PRKCE: variants seen among roughly 807,000 people sequenced by gnomAD.
The protein encoded by PRKCE is protein kinase C epsilon type.
PRKCE carries 16 observed loss-of-function variants against 85.4 expected under a neutral mutation model. The observed-to-expected ratio is 0.19, with a 90% CI of 0.13 to 0.28. PRKCE has a LOEUF of 0.28. Among genes scored for constraint, PRKCE ranks in the 10% least tolerant of loss-of-function variants. The pLI is 1.00. For missense variants in PRKCE, 573 were observed against 975.2 expected, an observed-to-expected ratio of 0.59 and a Z score of 5.49; for synonymous variants, 388 against 371.5, an observed-to-expected ratio of 1.04 and a Z score of -0.51.
At chr2:45,690,566 C>G (rs1218271398) in intron 1 of PRKCE, among the ~76,000 whole-genome samples, 2 of 152,180 alleles carry the variant, frequency 1.3e-5, no homozygotes, top group Admixed American at 6.5e-5. Flanking sequence ...AGATTGGAGA[C>G]AAAAACTGCA....
intron 1 of PRKCE, among the ~76,000 whole-genome samples, chr2:45,823,780 A>C (rs988367173): frequency 6.6e-6 from 1 of 152,222 alleles, no homozygotes; most frequent in African/African-American, 2.4e-5. Flanking sequence ...TCCACCTCTG[A>C]GGGCATGTCC....
chr2:45,926,998 C>T (rs374187931), intron 2 of PRKCE, among the ~76,000 whole-genome samples: 1 of 146,944 alleles, frequency 6.8e-6, no homozygotes, highest in Non-Finnish European at 1.5e-5. Context: ...GGATGGTGAG[C>T]ACTATAGAAT....
chr2:45,816,751 C>G (rs533419832), intron 1 of PRKCE, among the ~76,000 whole-genome samples: 3 of 152,220 alleles, frequency 2.0e-5, no homozygotes, highest in Non-Finnish European at 2.9e-5. Flanking sequence ...TCAGATGGCC[C>G]CTTCCCAGCC....
chr2:45,700,100 C>T (rs982594220), intron 1 of PRKCE, among the ~76,000 whole-genome samples: 9 of 151,698 alleles, frequency 5.9e-5, no homozygotes, highest in African/African-American at 2.2e-4. Context: ...AACCAGGCCG[C>T]CTGGGGTTGA....
At chr2:45,741,551 G>C (rs73926044) in intron 1 of PRKCE, among the ~76,000 whole-genome samples, 8,834 of 152,254 alleles carry the variant, frequency 0.058, 851 homozygotes, top group African/African-American at 0.2. Flanking sequence ...TGTTCTCCAC[G>C]TCTGACACGG....
At chr2:45,903,647 C>T (rs1696734004) in intron 2 of PRKCE, among the ~76,000 whole-genome samples, 4 of 152,192 alleles carry the variant, frequency 2.6e-5, no homozygotes, top group Admixed American at 1.3e-4. Flanking sequence ...GTATTTTTAT[C>T]TCCTGTCTGG....
rs1204224675 is a variant in PRKCE at position 45,810,188 on chromosome 2, C to G, written c.349-32812C>G. On this transcript the variant is annotated intron_variant, in intron 1 of 14. Coordinates refer to ENST00000306156, the MANE Select transcript of PRKCE (RefSeq NM_005400.3). Reference sequence around the variant, plus strand: ...CCTGAGTAGCTGGGATTACAGGTGCCTACCACCATGCCCGGCTAATTTTTG... The same window carrying G: ...CCTGAGTAGCTGGGATTACAGGTGCGTACCACCATGCCCGGCTAATTTTTG... Among the ~76,000 whole-genome samples, 3 of 150,974 alleles carry G rather than the reference C, an allele frequency of 2.0e-5. No individual in the cohort carries two copies. In the South Asian group the frequency reaches 6.3e-4, roughly 32 times the overall value.
At chr2:45,829,269 A>C (rs186961029) in intron 1 of PRKCE, among the ~76,000 whole-genome samples, 5 of 152,316 alleles carry the variant, frequency 3.3e-5, no homozygotes, top group Non-Finnish European at 4.4e-5. Context: ...ATTTTGTGTC[A>C]ATTTACATTT....
At position 46,004,840 on chromosome 2, in the gene PRKCE, A is replaced by G. The variant is rs1484745628; in HGVS notation, c.1063+202A>G. On this transcript the variant is annotated intron_variant, in intron 8 of 14. Coordinates refer to ENST00000306156, the MANE Select transcript of PRKCE (RefSeq NM_005400.3). The surrounding 1 kb of genome is among the most constrained non-coding windows in gnomAD (Gnocchi z 4.1). ...CTTGAGGGCTGGGCACTCCATGGCC[A>G]TATCTGCCTTAATTTCCTTCCAGGC... Among the ~76,000 whole-genome samples the G allele has an allele frequency of 6.6e-6, 1 of 152,066 alleles. No individual in the cohort carries two copies. Among genetic ancestry groups the G allele is most frequent in the Non-Finnish European group, 1.5e-5 (1 of 67,994 alleles).
Position 46,103,026 on chromosome 2 carries a change from G to A in PRKCE, c.1592+16664G>A, listed in dbSNP as rs1379456679. 3.9e-5 allele frequency among the ~76,000 whole-genome samples: 6 copies of A among 152,298 alleles called. No homozygotes were observed. The East Asian group carries it at 1.2e-3, about 29-fold the overall frequency. On this transcript the variant is annotated intron_variant, in intron 11 of 14. Transcript: ENST00000306156. The stretch of plus-strand genomic sequence containing the variant: ...ATTTCACCTCTGTGAGGGCAGAGTA[G>A]CAATGTAATTTATTTAGAATTCTTC...
chr2:45,843,084 A>T, intron 2 of PRKCE, 21 bp downstream of exon 2: 1 of 1,609,844 alleles, frequency 6.2e-7, no homozygotes, highest in Non-Finnish European at 8.5e-7. Flanking sequence ...GTGACTTCTC[A>T]TCCCTGTTTT....
intron 2 of PRKCE, among the ~76,000 whole-genome samples, chr2:45,857,166 G>T (rs1692745802): frequency 6.6e-6 from 1 of 152,206 alleles, no homozygotes; most frequent in Non-Finnish European, 1.5e-5. Context: ...AGGACCAACT[G>T]CTAGGTTTGT....
chr2:45,880,450 C>A (rs1694797325), intron 2 of PRKCE, among the ~76,000 whole-genome samples: 1 of 152,220 alleles, frequency 6.6e-6, no homozygotes, highest in Admixed American at 6.5e-5. Context: ...GGAGGACTCA[C>A]TTTGAATGTC....
Position 46,001,364 on chromosome 2 carries a change from C to G in PRKCE, c.824-40C>G. ...AAAGAAAAGAAGCAACATCTTAGGC[C>G]ATGAACACTTATCTGTCTTTTCTCC... On this transcript the variant is annotated intron_variant, in intron 6 of 14. Coordinates refer to ENST00000306156, the MANE Select transcript of PRKCE (RefSeq NM_005400.3). This position sits in a 1 kb window ranked among gnomAD's most constrained non-coding sequence, Gnocchi z 4.4. 6.4e-7 allele frequency: 1 copy of G among 1,572,660 alleles called. No individual in the cohort carries two copies. The highest frequency in any genetic ancestry group is 8.6e-7 in the Non-Finnish European group (1 of 1,161,282).
chr2:46,012,643 G>A (rs1365763679), intron 10 of PRKCE, among the ~76,000 whole-genome samples: 1 of 152,210 alleles, frequency 6.6e-6, no homozygotes. Context: ...AACATCCTAG[G>A]AGGGGTCCAG....
intron 10 of PRKCE, among the ~76,000 whole-genome samples, chr2:46,060,515 G>C (rs1307461952): frequency 6.6e-6 from 1 of 152,168 alleles, no homozygotes; most frequent in African/African-American, 2.4e-5. Flanking sequence ...AGAAGGAGAG[G>C]GGAAAGACCA....
chr2:45,987,427 C>G (rs781086760), intron 6 of PRKCE, among the ~76,000 whole-genome samples: 1 of 152,070 alleles, frequency 6.6e-6, no homozygotes, highest in Non-Finnish European at 1.5e-5. Flanking sequence ...CTTTTTTTCC[C>G]CTTGCTGCTG....
chr2:45,969,168 G>A (rs889286220), intron 2 of PRKCE, among the ~76,000 whole-genome samples: 1 of 151,744 alleles, frequency 6.6e-6, no homozygotes, highest in Non-Finnish European at 1.5e-5. Context: ...AGCTGCTTCA[G>A]AGGACGTCTC....
At chr2:45,877,085 TTTTA>T (rs59299857) in intron 2 of PRKCE, among the ~76,000 whole-genome samples, 28,436 of 152,050 alleles carry the variant, frequency 0.19, 3,375 homozygotes, top group East Asian at 0.41. Flanking sequence ...TCTTGCATGG[TTTTA>T]TTTGTTTGTT....
Sources: allele counts gnomAD v4.1 joint callset (sites outside exome capture counted in the v4.1 genomes callset), GRCh38; gene constraint gnomAD v4.1.1; non-coding constraint Gnocchi (gnomAD v3.1); transcripts MANE v1.5; gene names NCBI Gene and HGNC (gene_info 2026-07-23, HGNC 2026-07-21).